The following MSRA variants were observed in gnomAD, a reference collection of about 807,000 sequenced individuals.
The protein encoded by MSRA is mitochondrial peptide methionine sulfoxide reductase.
In MSRA, 54 loss-of-function variants were observed where a neutral mutation model predicts 31.3. The observed-to-expected ratio is 1.73, with a 90% CI of 1.39 to 2.17. The LOEUF is 2.17. MSRA is among the 30% of genes most tolerant of loss of function. The probability of loss-of-function intolerance (pLI) is 0.00; values close to 1 mark genes in which losing one functional copy is unlikely to be tolerated. For missense variants in MSRA, 507 were observed against 300.9 expected, an observed-to-expected ratio of 1.69 and a Z score of -5.07; for synonymous variants, 169 against 116.5, an observed-to-expected ratio of 1.45 and a Z score of -2.90.
intron 1 of MSRA, among the ~76,000 whole-genome samples, chr8:10,100,377 TCTG>T (rs1358596642): frequency 6.6e-6 from 1 of 152,128 alleles, no homozygotes; most frequent in African/African-American, 2.4e-5. Context: ...TGTGCCTTGA[TCTG>T]CTGCAGGAAG....
intron 5 of MSRA, among the ~76,000 whole-genome samples, chr8:10,395,874 C>G (rs1455350594): frequency 6.6e-6 from 1 of 152,188 alleles, no homozygotes; most frequent in African/African-American, 2.4e-5. Flanking sequence ...AGGCACACAT[C>G]CCCCTTCTGT....
rs144107740 is a variant in MSRA at position 10,317,748 on chromosome 8, T to G, written c.437-2135T>G. On this transcript the variant is annotated intron_variant, in intron 4 of 5. Transcript: ENST00000317173. Reference sequence around the variant, plus strand: ...AAATAGTGTCAATAATTTTTCCTCATAGTTTTTCAAAAGCCAAGTGGAGGG... The same window carrying G: ...AAATAGTGTCAATAATTTTTCCTCAGAGTTTTTCAAAAGCCAAGTGGAGGG... Among the ~76,000 whole-genome samples the G allele has an allele frequency of 1.1e-4, 17 of 152,328 alleles. No individual in the cohort carries two copies. The East Asian group carries it at 3.3e-3, about 29-fold the overall frequency.
intron 1 of MSRA, among the ~76,000 whole-genome samples, chr8:10,110,555 C>A (rs1421002601): frequency 6.6e-6 from 1 of 152,190 alleles, no homozygotes; most frequent in Non-Finnish European, 1.5e-5. Flanking sequence ...GATTTTCTTT[C>A]ATTGTTTTCT....
intron 5 of MSRA, among the ~76,000 whole-genome samples, chr8:10,412,231 T>C (rs1808201721): frequency 6.6e-6 from 1 of 152,264 alleles, no homozygotes; most frequent in African/African-American, 2.4e-5. Context: ...TCTGATGTAT[T>C]GCAGCTAGTC....
At chr8:10,196,363 G>A (rs771893135) in intron 1 of MSRA, among the ~76,000 whole-genome samples, 2 of 152,038 alleles carry the variant, frequency 1.3e-5, no homozygotes, top group Non-Finnish European at 2.9e-5. Context: ...CAAGTTCCTC[G>A]GTGGGCCTTA....
intron 4 of MSRA, among the ~76,000 whole-genome samples, chr8:10,305,086 G>C (rs1441319018): frequency 6.6e-6 from 1 of 152,192 alleles, no homozygotes; most frequent in Non-Finnish European, 1.5e-5. Flanking sequence ...CATGTTGAAA[G>C]ATTTTAGTAC....
chr8:10,352,294 A>G (rs1030000656), intron 5 of MSRA, among the ~76,000 whole-genome samples: 8 of 152,258 alleles, frequency 5.3e-5, no homozygotes, highest in Non-Finnish European at 7.3e-5. Flanking sequence ...ACAATAATAT[A>G]GAAAAGACTG....
chr8:10,209,427 G>A (rs768913094), intron 2 of MSRA, among the ~76,000 whole-genome samples: 4 of 152,204 alleles, frequency 2.6e-5, no homozygotes, highest in Admixed American at 6.5e-5. Flanking sequence ...CTTCTTTCTT[G>A]AAGGGCAGAT....
chr8:10,194,078 A>G (rs1003744562), intron 1 of MSRA, among the ~76,000 whole-genome samples: 1 of 152,192 alleles, frequency 6.6e-6, no homozygotes, highest in Non-Finnish European at 1.5e-5. Context: ...GGGAAGAGGG[A>G]TGGAGCAATA....
At chr8:10,427,658 A>G (rs1488762064) in intron 5 of MSRA, among the ~76,000 whole-genome samples, 1 of 152,116 alleles carries the variant, frequency 6.6e-6, no homozygotes, top group African/African-American at 2.4e-5. Context: ...GGCAGATGCG[A>G]TAGTGCCAGG....
At chr8:10,252,281 C>G (rs550987714) in intron 3 of MSRA, among the ~76,000 whole-genome samples, 1 of 152,256 alleles carries the variant, frequency 6.6e-6, no homozygotes, top group South Asian at 2.1e-4. Flanking sequence ...GAATCGTACA[C>G]CCATTCTGCT....
At chr8:10,144,186 G>A (rs1165881347) in intron 1 of MSRA, among the ~76,000 whole-genome samples, 1 of 152,148 alleles carries the variant, frequency 6.6e-6, no homozygotes, top group African/African-American at 2.4e-5. Context: ...GTGGTGCCAT[G>A]TTCTAGGTTA....
chr8:10,144,251 A>G (rs893216859), intron 1 of MSRA, among the ~76,000 whole-genome samples: 2 of 152,110 alleles, frequency 1.3e-5, no homozygotes, highest in Non-Finnish European at 2.9e-5. Context: ...TTTGTTTAGG[A>G]GCGAGAACTG....
At chr8:10,130,731 G>C (rs767289203) in intron 1 of MSRA, among the ~76,000 whole-genome samples, 1 of 152,162 alleles carries the variant, frequency 6.6e-6, no homozygotes, top group Admixed American at 6.5e-5. Context: ...TGCTTTTGAA[G>C]GCATAGAAAG....
chr8:10,264,607 G>A (rs1798650176), intron 3 of MSRA, among the ~76,000 whole-genome samples: 1 of 152,214 alleles, frequency 6.6e-6, no homozygotes, highest in Non-Finnish European at 1.5e-5. Flanking sequence ...TGAGCTGCTT[G>A]GAGAGCAGGA....
At chr8:10,263,502 A>G (rs1372507977) in intron 3 of MSRA, among the ~76,000 whole-genome samples, 3 of 152,232 alleles carry the variant, frequency 2.0e-5, no homozygotes, top group African/African-American at 7.2e-5. Flanking sequence ...GTATCTCCCT[A>G]TATGGCAGCC....
chr8:10,385,500 A>G (rs1338652376), intron 5 of MSRA, among the ~76,000 whole-genome samples: 1 of 152,118 alleles, frequency 6.6e-6, no homozygotes, highest in Non-Finnish European at 1.5e-5. Flanking sequence ...GGGCTGAAAG[A>G]TGGGACAGGA....
chr8:10,362,830 C>G (rs17765025), intron 5 of MSRA, among the ~76,000 whole-genome samples: 1 of 152,066 alleles, frequency 6.6e-6, no homozygotes, highest in African/African-American at 2.4e-5. Context: ...CCCGCGCCAC[C>G]GGGAGCTGCC....
At chr8:10,149,064 T>C (rs1015006416) in intron 1 of MSRA, among the ~76,000 whole-genome samples, 2 of 151,586 alleles carry the variant, frequency 1.3e-5, no homozygotes, top group Admixed American at 6.6e-5. Context: ...CCAGTGATTG[T>C]CTTGCCTCAG....
Sources: allele counts gnomAD v4.1 joint callset (sites outside exome capture counted in the v4.1 genomes callset), GRCh38; gene constraint gnomAD v4.1.1; transcripts MANE v1.5; gene names NCBI Gene and HGNC (gene_info 2026-07-23, HGNC 2026-07-21).